The following NR1D2 variants were observed in gnomAD, a reference collection of about 807,000 sequenced individuals.
The protein encoded by NR1D2 is nuclear receptor subfamily 1 group D member 2.
NR1D2 carries 25 observed loss-of-function variants against 52.2 expected under a neutral mutation model. The observed-to-expected ratio is 0.48, with a 90% CI of 0.35 to 0.67. The LOEUF is 0.67. Ranked by LOEUF, NR1D2 falls within the 30% of genes least tolerant of loss-of-function variation. NR1D2 has a pLI of 0.01. For synonymous variants in NR1D2, 259 were observed against 230.1 expected (o/e 1.13, Z -1.14); for missense variants, 681 against 707.2 (o/e 0.96, Z 0.42).
rs1191456016 is a variant in NR1D2 at position 23,977,918 on chromosome 3, G to C, written c.*499G>C. 1 of 152,190 alleles carries C rather than the reference G, an allele frequency of 6.6e-6. No individual in the cohort carries two copies. Among genetic ancestry groups the C allele is most frequent in the African/African-American group, 2.4e-5 (1 of 41,430 alleles). 9.4% of individuals were successfully genotyped at this position (152,190 alleles called of 1,614,324 possible). A position where few individuals can be genotyped will look rare whatever the true frequency, so the allele number is the denominator to read the frequency against. ...TACTCTACCACTGCTAAAGTGTGTG[G>C]TCCTGGGTAGTTTACTTGCTTGCGG... On this transcript the variant is annotated 3_prime_UTR_variant, in exon 8 of 8. Coordinates refer to ENST00000312521, the MANE Select transcript of NR1D2 (RefSeq NM_005126.5).
At chr3:23,964,213 G>A (rs1257950437) in intron 5 of NR1D2, among the ~76,000 whole-genome samples, 2 of 152,038 alleles carry the variant, frequency 1.3e-5, no homozygotes, top group African/African-American at 4.8e-5. Context: ...GAGTAGCTGG[G>A]ACTACAGGCG....
At chr3:23,968,580 T>C (rs945300675) in intron 7 of NR1D2, among the ~76,000 whole-genome samples, 27 of 152,216 alleles carry the variant, frequency 1.8e-4, no homozygotes, top group African/African-American at 6.5e-4. Flanking sequence ...CATGTGAGCC[T>C]AGTGTGGTGT....
intron 4 of NR1D2, among the ~76,000 whole-genome samples, chr3:23,961,395 T>G (rs190337687): frequency 7.0e-6 from 1 of 143,166 alleles, no homozygotes; most frequent in African/African-American, 2.6e-5. Flanking sequence ...CTTTCTTTTT[T>G]TTTTTTTTTT....
At chr3:23,972,579 AT>A (rs11347047) in intron 7 of NR1D2, among the ~76,000 whole-genome samples, 19,579 of 152,172 alleles carry the variant, frequency 0.13, 1,757 homozygotes, top group African/African-American at 0.24. Flanking sequence ...AGTTGTCTTC[AT>A]AGAGATTTTT....
At chr3:23,952,452 G>A (rs1017606569) in intron 1 of NR1D2, among the ~76,000 whole-genome samples, 3 of 152,090 alleles carry the variant, frequency 2.0e-5, no homozygotes, top group African/African-American at 7.2e-5. Context: ...GCTCACACCT[G>A]TAATCTCAGC....
chr3:23,970,886 A>G (rs1052694906), intron 7 of NR1D2, among the ~76,000 whole-genome samples: 5 of 152,058 alleles, frequency 3.3e-5, no homozygotes, highest in East Asian at 1.9e-4. Flanking sequence ...GGTTCAAGCA[A>G]TTCTCCTGCC....
Position 23,962,585 on chromosome 3 carries a change from A to G in NR1D2, c.1126A>G (p.Thr376Ala), listed in dbSNP as rs1479845447. Residue 376 changes from threonine to alanine, a missense_variant, in exon 5 of 8, where the codon ACT becomes GCT. Transcript: ENST00000312521. ...GAACAAGAATAGTTACCTGTGCAAC[A>G]CTGGAGGAAGAATGCATCTGGTATA... ...NENKNSYLCN[T>A]GGRMHLVCPM... 1 of 1,603,968 alleles carries G rather than the reference A, an allele frequency of 6.2e-7. No homozygotes were observed. Among genetic ancestry groups the G allele is most frequent in the East Asian group, 2.2e-5 (1 of 44,632 alleles).
At chr3:23,971,537 G>C (rs928151819) in intron 7 of NR1D2, among the ~76,000 whole-genome samples, 3 of 151,814 alleles carry the variant, frequency 2.0e-5, no homozygotes, top group Non-Finnish European at 4.4e-5. Flanking sequence ...CCAAAGTGTT[G>C]GGATTATAGG....
intron 1 of NR1D2, 56 bp from the exon 2 acceptor site, chr3:23,954,481 A>G: frequency 6.7e-7 from 1 of 1,489,540 alleles, no homozygotes; most frequent in South Asian, 1.2e-5. Flanking sequence ...ATTTGCAAAA[A>G]TAAAAAATAC....
chr3:23,969,362 TAA>T (rs753995927), intron 7 of NR1D2, among the ~76,000 whole-genome samples: 17 of 152,124 alleles, frequency 1.1e-4, no homozygotes, highest in Non-Finnish European at 2.5e-4. Flanking sequence ...CTCAGTGGAA[TAA>T]AGACTTGCCA....
intron 3 of NR1D2, among the ~76,000 whole-genome samples, chr3:23,957,494 A>G (rs1036336010): frequency 7.2e-6 from 1 of 139,844 alleles, no homozygotes; most frequent in African/African-American, 2.7e-5. Context: ...AGGCGGGCGG[A>G]TCACGAGGTC....
chr3:23,977,396 T>C lies in NR1D2; in HGVS notation c.1717T>C (p.Leu573=), dbSNP rs746446125. 352 of 1,602,932 alleles carry C rather than the reference T, an allele frequency of 2.2e-4. 1 individual carries two copies. Among genetic ancestry groups the C allele is most frequent in the Non-Finnish European group, 2.7e-4 (316 of 1,176,208 alleles). ...SLNNMHSEEL[L]AFKVHP is the part of the protein sequence containing the mutation. ...AAACAACATGCACTCTGAGGAGCTC[T>C]TGGCCTTTAAAGTTCACCCTTAAGG... The change falls in exon 8 of 8, where the codon TTG becomes CTG. Residue 573 remains leucine, a synonymous_variant. Coordinates refer to ENST00000312521, the MANE Select transcript of NR1D2 (RefSeq NM_005126.5).
rs145901392 is a variant in NR1D2, at chr3:23,968,294, G to A, written c.1543+271G>A. Among the ~76,000 whole-genome samples, 1,499 of 152,258 alleles carry A rather than the reference G, an allele frequency of 9.8e-3. 24 individuals carry two copies. The highest frequency in any genetic ancestry group is 0.033 in the African/African-American group (1,387 of 41,534). The stretch of plus-strand genomic sequence containing the variant: ...CTTTTTGTTCATAATTTTTCTATGA[G>A]TCTAAATCTTTATTTCATGAATTTG... On this transcript the variant is annotated intron_variant, in intron 7 of 7. Transcript: ENST00000312521.
chr3:23,948,594 T>A (rs996162712), intron 1 of NR1D2, among the ~76,000 whole-genome samples: 2 of 152,152 alleles, frequency 1.3e-5, no homozygotes, highest in Non-Finnish European at 2.9e-5. Flanking sequence ...AAAATAATCA[T>A]CAGCTTCTTA....
chr3:23,973,972 A>C (rs1178123879), intron 7 of NR1D2, among the ~76,000 whole-genome samples: 2 of 151,950 alleles, frequency 1.3e-5, no homozygotes, highest in Non-Finnish European at 2.9e-5. Context: ...GAAGGTCTTC[A>C]GGAGCAGTAA....
At chr3:23,963,452 T>G in intron 5 of NR1D2, 2 of 1,115,088 alleles carry the variant, frequency 1.8e-6, no homozygotes, top group Non-Finnish European at 2.3e-6. Context: ...AAGTCGTTGC[T>G]TTTTTGTTTT....
chr3:23,951,395 C>T (rs1705928560), intron 1 of NR1D2, among the ~76,000 whole-genome samples: 1 of 152,180 alleles, frequency 6.6e-6, no homozygotes, highest in African/African-American at 2.4e-5. Flanking sequence ...AGACAAATAG[C>T]TGTGAGATCT....
intron 3 of NR1D2, among the ~76,000 whole-genome samples, chr3:23,956,553 A>G (rs1483334384): frequency 6.6e-6 from 1 of 152,188 alleles, no homozygotes; most frequent in Non-Finnish European, 1.5e-5. Context: ...ATGACACGTC[A>G]GGTACTGGGA....
intron 5 of NR1D2, 64 bp from the exon 6 acceptor site, chr3:23,964,913 C>G: frequency 9.1e-7 from 1 of 1,103,180 alleles, no homozygotes; most frequent in Non-Finnish European, 1.3e-6. Context: ...AATTGAGATG[C>G]TGCTTTTGAC....
Sources: allele counts gnomAD v4.1 joint callset (sites outside exome capture counted in the v4.1 genomes callset), GRCh38; gene constraint gnomAD v4.1.1; transcripts MANE v1.5; gene names NCBI Gene and HGNC (gene_info 2026-07-23, HGNC 2026-07-21).